MYBL2: variants seen among roughly 807,000 people sequenced by gnomAD.
The protein encoded by MYBL2 is MYB proto-oncogene like 2.
In MYBL2, 28 loss-of-function variants were observed where a neutral mutation model predicts 79.9. The ratio of observed to expected loss-of-function variants is 0.35; its 90% CI spans 0.26 to 0.48. The LOEUF (loss-of-function observed/expected upper bound fraction) is 0.48, where lower values mean the gene tolerates loss of function less well. Ranked by LOEUF, MYBL2 falls within the 20% of genes least tolerant of loss-of-function variation. The pLI, the probability that MYBL2 is intolerant of heterozygous loss-of-function variation, is 0.99. For missense variants in MYBL2, 735 were observed against 893.9 expected (o/e 0.82, Z 2.27); for synonymous variants, 378 against 361.2 (o/e 1.05, Z -0.53).
At chr20:43,684,156 G>T (rs1987211740) in intron 4 of MYBL2, among the ~76,000 whole-genome samples, 1 of 151,524 alleles carries the variant, frequency 6.6e-6, no homozygotes, top group African/African-American at 2.4e-5. Flanking sequence ...TGAACTTCTG[G>T]GCTCAAATGA....
intron 2 of MYBL2, among the ~76,000 whole-genome samples, chr20:43,678,311 T>TAAAG (rs1195362732): frequency 4.4e-3 from 79 of 18,030 alleles, no homozygotes; most frequent in Non-Finnish European, 0.012. Context: ...AAAAAATAAA[T>TAAAG]AAAGAAAGAA....
chr20:43,668,294 A>G (rs1368240671), intron 1 of MYBL2, among the ~76,000 whole-genome samples: 25 of 139,780 alleles, frequency 1.8e-4, no homozygotes, highest in Non-Finnish European at 3.3e-4. Context: ...TCCGCCTCCC[A>G]GGTTCAAGCG....
chr20:43,696,172 C>T (rs995514913), intron 6 of MYBL2, among the ~76,000 whole-genome samples: 5 of 152,076 alleles, frequency 3.3e-5, no homozygotes, highest in African/African-American at 1.2e-4. Context: ...AGAAGTAATG[C>T]GTGATCATTG....
chr20:43,711,373 C>T, intron 10 of MYBL2, 115 bp from the exon 11 acceptor site: 1 of 692,066 alleles, frequency 1.4e-6, no homozygotes, highest in South Asian at 1.8e-5. Context: ...TGGCGTCAGG[C>T]CTCCTTCCTG....
In MYBL2 at chr20:43,706,596, A is replaced by G. The variant is rs375119050; in HGVS notation, c.1505+1238A>G. ...GAAATCAGTCTCCAAAGTCCGGCTC[A>G]GTGGCTCACACTTGTAATCCCAGCG... On this transcript the variant is annotated intron_variant, in intron 9 of 13. Coordinates refer to ENST00000217026, the MANE Select transcript of MYBL2 (RefSeq NM_002466.4). Among the ~76,000 whole-genome samples, 36 of 151,884 alleles carry G rather than the reference A, an allele frequency of 2.4e-4. No individual in the cohort carries two copies. The East Asian group carries it at 5.8e-3, about 25-fold the overall frequency.
chr20:43,679,648 G>A (rs1391294337), intron 2 of MYBL2, among the ~76,000 whole-genome samples: 1 of 152,094 alleles, frequency 6.6e-6, no homozygotes, highest in Non-Finnish European at 1.5e-5. Context: ...GGTCACGGTG[G>A]CTCAGGCCTG....
chr20:43,705,392 C>T (rs1987758080), intron 9 of MYBL2, 34 bp downstream of exon 9: 2 of 1,566,788 alleles, frequency 1.3e-6, no homozygotes, highest in African/African-American at 2.7e-5. Context: ...CTTCGCCGTC[C>T]TCTCCCTCAG....
rs1987638624 is a variant in MYBL2 at position 43,699,807 on chromosome 20, G to A, written c.714G>A (p.Glu238=). 1 of 1,614,176 alleles carries A rather than the reference G, an allele frequency of 6.2e-7. No individual in the cohort carries two copies. Among genetic ancestry groups the A allele is most frequent in the Non-Finnish European group, 8.5e-7 (1 of 1,180,028 alleles). Residue 238 remains glutamate, a synonymous_variant, in exon 7 of 14, where the codon GAG becomes GAA. Coordinates refer to ENST00000217026, the MANE Select transcript of MYBL2 (RefSeq NM_002466.4). ...CCGTCCCTCCTACCATAAAGGAGGA[G>A]GAAAACAGTGAGGAGGAACTTGCAG... ...WPSVPPTIKE[E]ENSEEELAAA... is the part of the protein sequence containing the mutation.
At chr20:43,711,651 G>A (rs1247579135) in intron 11 of MYBL2, 50 bp downstream of exon 11, 2 of 1,531,858 alleles carry the variant, frequency 1.3e-6, no homozygotes, top group East Asian at 2.4e-5. Context: ...TTGGAGCCGT[G>A]GCATGGGGGA....
At chr20:43,712,355 G>T (rs142825928) in intron 11 of MYBL2, among the ~76,000 whole-genome samples, 12 of 152,168 alleles carry the variant, frequency 7.9e-5, no homozygotes, top group Admixed American at 2.6e-4. Flanking sequence ...GGACTTGCCC[G>T]AGCTGGCACC....
At chr20:43,707,387 G>T (rs1431826522) in intron 9 of MYBL2, among the ~76,000 whole-genome samples, 1 of 151,928 alleles carries the variant, frequency 6.6e-6, no homozygotes, top group Non-Finnish European at 1.5e-5. Flanking sequence ...TATCCATGTG[G>T]CCTCATTTGC....
At chr20:43,673,935 T>C in intron 2 of MYBL2, 36 bp downstream of exon 2, 1 of 1,521,504 alleles carries the variant, frequency 6.6e-7, no homozygotes, top group Non-Finnish European at 8.9e-7. Flanking sequence ...TGATGGCAGC[T>C]GGGGGCTGTC....
chr20:43,673,817 A>G lies in MYBL2; in HGVS notation c.32A>G (p.Asp11Gly), dbSNP rs1361393945. 3 of 1,564,914 alleles carry G rather than the reference A, an allele frequency of 1.9e-6. No individual in the cohort carries two copies. Among genetic ancestry groups the G allele is most frequent in the Non-Finnish European group, 2.6e-6 (3 of 1,153,508 alleles). The stretch of plus-strand genomic sequence containing the variant: ...TGCTTTCCCCATAGCGAGGATCTGG[A>G]TGAGCTGCACTACCAGGACACAGAT... MSRRTRCEDLDELHYQDTDSD... is the reference protein window; with the variant it reads MSRRTRCEDLGELHYQDTDSD... The change falls in exon 2 of 14, where the codon GAT becomes GGT. Residue 11 changes from aspartate (D) to glycine (G), a missense_variant. Asp to Gly is a moderately conservative substitution (Grantham distance 94, BLOSUM62 -1). Transcript: ENST00000217026.
At position 43,692,070 on chromosome 20, in the gene MYBL2, G is replaced by T. The variant is rs560599721; in HGVS notation, c.501-87G>T. The T allele has an allele frequency of 9.2e-5, 119 of 1,288,618 alleles. No homozygotes were observed. The South Asian group carries it at 1.5e-3, about 17-fold the overall frequency. 79.8% of individuals were successfully genotyped at this position (1,288,618 alleles called of 1,614,324 possible). A position where few individuals can be genotyped will look rare whatever the true frequency, so the allele number is the denominator to read the frequency against. ...GTGGAAGATTCATTTACAGGAGCAG[G>T]AACTTGGCTTAGGGAGGTTAGTGAT... is the stretch of plus-strand genomic sequence containing the variant. On this transcript the variant is annotated intron_variant, in intron 5 of 13. Coordinates refer to ENST00000217026, the MANE Select transcript of MYBL2 (RefSeq NM_002466.4).
At chr20:43,698,711 C>T (rs924065576) in intron 6 of MYBL2, among the ~76,000 whole-genome samples, 20 of 147,220 alleles carry the variant, frequency 1.4e-4, no homozygotes, top group Admixed American at 1.3e-3. Flanking sequence ...CTCTGTACCC[C>T]AGACTGTAGT....
Position 43,716,207 on chromosome 20 carries a change from CT to C in MYBL2, c.*121del, listed in dbSNP as rs1988030201. On this transcript the variant is annotated 3_prime_UTR_variant, in exon 14 of 14. Transcript: ENST00000217026. Reference sequence around the variant, plus strand: ...GCAGGGAGCCTTCTGCCACCAGCCCCTCCCCAGACTCTCAGGTGGAGGCAAC... The same window carrying C: ...GCAGGGAGCCTTCTGCCACCAGCCCCCCCCAGACTCTCAGGTGGAGGCAAC... The C allele has an allele frequency of 6.7e-7, 1 of 1,491,180 alleles. No individual in the cohort carries two copies. The highest frequency in any genetic ancestry group is 1.2e-5 in the South Asian group (1 of 83,908). 92.4% of individuals were successfully genotyped at this position (1,491,180 alleles called of 1,614,324 possible).
In MYBL2 at chr20:43,668,719, C is replaced by T. The variant is rs1229583953; in HGVS notation, c.20+1416C>T. On this transcript the variant is annotated intron_variant, in intron 1 of 13. Coordinates refer to ENST00000217026, the MANE Select transcript of MYBL2 (RefSeq NM_002466.4). The stretch of plus-strand genomic sequence containing the variant: ...TTTTTTTTTTTTGAGGCAGGGTCTC[C>T]GTCTGCAGTCCAGGCCGGAGTGCTG... Among the ~76,000 whole-genome samples the T allele has an allele frequency of 3.4e-5, 5 of 146,466 alleles. No homozygotes were observed. The South Asian group carries it at 6.6e-4, about 19-fold the overall frequency.
At chr20:43,689,127 G>A (rs1987348708) in intron 5 of MYBL2, among the ~76,000 whole-genome samples, 1 of 152,106 alleles carries the variant, frequency 6.6e-6, no homozygotes, top group African/African-American at 2.4e-5. Context: ...TCCATCTTAT[G>A]AAAACTTGTA....
At chr20:43,708,275 T>G (rs967645695) in intron 9 of MYBL2, among the ~76,000 whole-genome samples, 1 of 151,992 alleles carries the variant, frequency 6.6e-6, no homozygotes, top group Non-Finnish European at 1.5e-5. Context: ...AATTTTTTTG[T>G]TTTTTTGAGA....
Sources: gnomAD v4.1 joint callset for allele counts (sites outside exome capture counted in the v4.1 genomes callset) on GRCh38, gnomAD v4.1.1 for gene constraint, MANE v1.5 for transcripts, NCBI Gene and HGNC (gene_info 2026-07-23, HGNC 2026-07-21) for gene names.